MYT1L: variants seen among roughly 807,000 people sequenced by gnomAD.
MYT1L encodes the protein myelin transcription factor 1-like protein.
In MYT1L, 12 loss-of-function variants were observed where a neutral mutation model predicts 126.7. That is an observed-to-expected ratio of 0.09 (90% confidence interval 0.06 to 0.15). The LOEUF (loss-of-function observed/expected upper bound fraction) is 0.15. MYT1L is among the 10% of genes least tolerant of loss of function. The pLI is 1.00. For missense variants in MYT1L, 979 were observed against 1,585.2 expected (o/e 0.62, Z 6.49); for synonymous variants, 541 against 604.2 (o/e 0.90, Z 1.53).
At chr2:2,178,641 G>A (rs1294660157) in intron 2 of MYT1L, among the ~76,000 whole-genome samples, 1 of 152,168 alleles carries the variant, frequency 6.6e-6, no homozygotes, top group Non-Finnish European at 1.5e-5. Flanking sequence ...CTCATGGATA[G>A]TGAGGACTTA....
At chr2:2,195,971 A>G (rs1286760454) in intron 2 of MYT1L, among the ~76,000 whole-genome samples, 1 of 152,156 alleles carries the variant, frequency 6.6e-6, no homozygotes, top group Non-Finnish European at 1.5e-5. Flanking sequence ...AGAGGAGCAA[A>G]AGCAGTATTT....
intron 1 of MYT1L, among the ~76,000 whole-genome samples, chr2:2,293,131 G>A (rs1198484023): frequency 2.0e-5 from 3 of 152,204 alleles, no homozygotes; most frequent in South Asian, 2.1e-4. Flanking sequence ...TTAGCAGCTC[G>A]GGGAAGTAAA....
chr2:2,026,731 G>A (rs1433821030), intron 4 of MYT1L, among the ~76,000 whole-genome samples: 1 of 152,126 alleles, frequency 6.6e-6, no homozygotes, highest in Admixed American at 6.5e-5. Flanking sequence ...GTCCAGGGCG[G>A]GGCCCGCTCC....
intron 10 of MYT1L, among the ~76,000 whole-genome samples, chr2:1,921,844 T>C (rs1031884727): frequency 9.2e-5 from 14 of 152,240 alleles, no homozygotes; most frequent in African/African-American, 3.4e-4. Context: ...CTGATAATTT[T>C]ACAAATCATG....
chr2:1,974,709 T>C (rs2149464786), intron 8 of MYT1L: 1 of 152,310 alleles, frequency 6.6e-6, no homozygotes, highest in Admixed American at 6.5e-5. Flanking sequence ...TTAATGCTTT[T>C]ATCAGATCCT....
intron 3 of MYT1L, among the ~76,000 whole-genome samples, chr2:2,161,549 T>C (rs1038322918): frequency 7.2e-5 from 11 of 152,210 alleles, no homozygotes; most frequent in African/African-American, 2.7e-4. Context: ...CCTTCTATTG[T>C]AAAATGTTTT....
chr2:2,166,864 C>T (rs1047139629), intron 3 of MYT1L, among the ~76,000 whole-genome samples: 3 of 152,186 alleles, frequency 2.0e-5, no homozygotes, highest in South Asian at 2.1e-4. Context: ...TATGTTTGTG[C>T]GAAGTCATAG....
At chr2:2,148,984 T>C (rs2085318197) in intron 3 of MYT1L, among the ~76,000 whole-genome samples, 1 of 152,194 alleles carries the variant, frequency 6.6e-6, no homozygotes, top group Non-Finnish European at 1.5e-5. Context: ...GTTACAAGCC[T>C]TGCTCTTATT....
At chr2:2,193,654 A>G (rs1484051903) in intron 2 of MYT1L, among the ~76,000 whole-genome samples, 1 of 152,242 alleles carries the variant, frequency 6.6e-6, no homozygotes, top group African/African-American at 2.4e-5. Flanking sequence ...CTAAGAAAAG[A>G]CAAAAGAGTG....
chr2:1,996,761 C>A (rs547938587), intron 5 of MYT1L, among the ~76,000 whole-genome samples: 1 of 136,128 alleles, frequency 7.3e-6, no homozygotes, highest in African/African-American at 2.8e-5. Context: ...TGCACAGAAC[C>A]GAGTGTAGAC....
chr2:2,067,085 A>G (rs746130244), intron 3 of MYT1L, among the ~76,000 whole-genome samples: 8 of 152,228 alleles, frequency 5.3e-5, no homozygotes, highest in Middle Eastern at 3.2e-3. Context: ...AAGGAGCTTT[A>G]TAGGTGTACA....
chr2:2,006,228 C>T (rs2063313853), intron 4 of MYT1L, among the ~76,000 whole-genome samples: 1 of 152,098 alleles, frequency 6.6e-6, no homozygotes, highest in Non-Finnish European at 1.5e-5. Flanking sequence ...TGCTTATAGC[C>T]TAGTTTCTCC....
At chr2:2,198,261 G>A (rs979261079) in intron 2 of MYT1L, among the ~76,000 whole-genome samples, 1 of 152,050 alleles carries the variant, frequency 6.6e-6, no homozygotes, top group African/African-American at 2.4e-5. Context: ...CAGAGACTAG[G>A]AAGGGGCAGG....
At chr2:2,077,033 G>C (rs964377556) in intron 3 of MYT1L, among the ~76,000 whole-genome samples, 1 of 152,018 alleles carries the variant, frequency 6.6e-6, no homozygotes, top group African/African-American at 2.4e-5. Flanking sequence ...AAATATTCTG[G>C]AGTTGAAATA....
intron 22 of MYT1L, among the ~76,000 whole-genome samples, chr2:1,804,690 T>A (rs4077009): frequency 0.032 from 4,923 of 152,294 alleles, 105 homozygotes; most frequent in East Asian, 0.072. Context: ...CCAGCGCTGG[T>A]CACTCTCACT....
At chr2:1,895,797 G>T (rs1339990205) in intron 14 of MYT1L, among the ~76,000 whole-genome samples, 1 of 151,950 alleles carries the variant, frequency 6.6e-6, no homozygotes, top group Non-Finnish European at 1.5e-5. Context: ...TTTTTGACTA[G>T]GTCTCCAAAA....
rs1259594610 is a variant in MYT1L, at chr2:2,236,802, CTTCTTCTTCTTCTT to C, written c.-421+47588_-421+47601del. ...TCTTCTTCTTCTTCTTCTTCTTCTTCTTCTTCTTCTTCTTTTTTTTTTTTTTTTTTGATGGAGTT... is the reference window on the plus strand; with the variant it reads ...TCTTCTTCTTCTTCTTCTTCTTCTTCTTTTTTTTTTTTTTTTGATGGAGTT... On this transcript the variant is annotated intron_variant, in intron 2 of 24. Coordinates refer to ENST00000647738, the MANE Select transcript of MYT1L (RefSeq NM_001303052.2). 2.5e-3 allele frequency among the ~76,000 whole-genome samples: 45 copies of C among 18,246 alleles called. 1 individual carries two copies. Among genetic ancestry groups the C allele is most frequent in the South Asian group, 3.8e-3 (1 of 266 alleles). 12.0% of individuals were successfully genotyped at this position (18,246 alleles called of 152,430 possible).
chr2:1,905,558 T>C lies in MYT1L; in HGVS notation c.1818-2264A>G, dbSNP rs570580051. On this transcript the variant is annotated intron_variant, in intron 13 of 24. Coordinates refer to ENST00000647738, the MANE Select transcript of MYT1L (RefSeq NM_001303052.2). ...TAGTGGAGACAGGGTTTCACCATGTTGGCCAGGCTGGTCTCCAACTCCTGA... is the reference window on the plus strand; with the variant it reads ...TAGTGGAGACAGGGTTTCACCATGTCGGCCAGGCTGGTCTCCAACTCCTGA... Among the ~76,000 whole-genome samples the C allele has an allele frequency of 4.6e-5, 7 of 152,268 alleles. No homozygotes were observed. In the East Asian group the frequency reaches 1.4e-3, roughly 29 times the overall value.
chr2:2,175,492 TGA>T (rs533457067), intron 2 of MYT1L, among the ~76,000 whole-genome samples: 12 of 152,082 alleles, frequency 7.9e-5, no homozygotes, highest in African/African-American at 2.9e-4. Flanking sequence ...GGTTAAAAGA[TGA>T]GAGCTACACG....
Sources: allele counts gnomAD v4.1 joint callset (sites outside exome capture counted in the v4.1 genomes callset), GRCh38; gene constraint gnomAD v4.1.1; transcripts MANE v1.5; gene names NCBI Gene and HGNC (gene_info 2026-07-23, HGNC 2026-07-21).